The following TBC1D4 variants were observed in gnomAD, a reference collection of about 807,000 sequenced individuals.
The protein encoded by TBC1D4 is TBC (Tre-2, BUB2, CDC16) domain-containing protein.
TBC1D4 carries 121 observed loss-of-function variants against 142.5 expected under a neutral mutation model. The observed-to-expected ratio is 0.85, with a 90% CI of 0.73 to 0.99. The LOEUF (loss-of-function observed/expected upper bound fraction) is 0.99. Ranked by LOEUF, TBC1D4 falls within the 50% of genes least tolerant of loss-of-function variation. The pLI is 0.00. For synonymous variants in TBC1D4, 630 were observed against 628.2 expected (o/e 1.00, Z -0.04); for missense variants, 1,475 against 1,606.6 (o/e 0.92, Z 1.40).
rs139327428 is a variant in TBC1D4 at position 75,466,446 on chromosome 13, T to A, written c.498+14824A>T. On this transcript the variant is annotated intron_variant, in intron 1 of 20. Transcript: ENST00000377636. ...TATGCACTATCAGGTACTGAGGATA[T>A]TTAACAATAATTTTTTAAATCAACA... 3.6e-3 allele frequency among the ~76,000 whole-genome samples: 541 copies of A among 152,346 alleles called. 1 individual carries two copies. Among genetic ancestry groups the A allele is most frequent in the Admixed American group, 6.9e-3 (105 of 15,302 alleles).
intron 1 of TBC1D4, among the ~76,000 whole-genome samples, chr13:75,382,845 C>T (rs1883927317): frequency 1.3e-5 from 2 of 152,120 alleles, no homozygotes; most frequent in African/African-American, 4.8e-5. Context: ...ATATTCTGTG[C>T]GTACTGGGTT....
intron 1 of TBC1D4, among the ~76,000 whole-genome samples, chr13:75,450,261 A>G (rs1887480723): frequency 2.0e-5 from 3 of 152,138 alleles, no homozygotes; most frequent in Non-Finnish European, 4.4e-5. Flanking sequence ...TTTCTTCATT[A>G]TGATGCGGTG....
In TBC1D4 at chr13:75,309,937, C is replaced by T. The variant is rs1404971260; in HGVS notation, c.2593+5G>A. 7 of 1,613,906 alleles carry T rather than the reference C, an allele frequency of 4.3e-6. No individual in the cohort carries two copies. Among genetic ancestry groups the T allele is most frequent in the Non-Finnish European group, 5.9e-6 (7 of 1,179,908 alleles). On this transcript the variant is annotated splice_donor_5th_base_variant and intron_variant, in intron 14 of 20. Coordinates refer to ENST00000377636, the MANE Select transcript of TBC1D4 (RefSeq NM_014832.5). Reference sequence around the variant, plus strand: ...CATAGCATTTAGTCTGTTAAAATGGCTAACCTTCAAGTTTCTGGTTTTCTT... The same window carrying T: ...CATAGCATTTAGTCTGTTAAAATGGTTAACCTTCAAGTTTCTGGTTTTCTT...
chr13:75,392,188 AAT>A (rs576928422), intron 1 of TBC1D4, among the ~76,000 whole-genome samples: 26 of 152,350 alleles, frequency 1.7e-4, no homozygotes, highest in African/African-American at 6.3e-4. Flanking sequence ...TAAACATATA[AAT>A]ATGTGTTGGA....
chr13:75,383,990 G>C (rs1884018091), intron 1 of TBC1D4, among the ~76,000 whole-genome samples: 1 of 152,082 alleles, frequency 6.6e-6, no homozygotes, highest in Admixed American at 6.5e-5. Context: ...CCGAGGAAGG[G>C]GGAGGGATAG....
At chr13:75,427,003 T>C (rs1299988074) in intron 1 of TBC1D4, among the ~76,000 whole-genome samples, 1 of 152,034 alleles carries the variant, frequency 6.6e-6, no homozygotes, top group Non-Finnish European at 1.5e-5. Context: ...CAGCTATGAT[T>C]GTGCCATCAT....
At chr13:75,448,528 AT>A (rs1240517996) in intron 1 of TBC1D4, among the ~76,000 whole-genome samples, 1 of 150,290 alleles carries the variant, frequency 6.7e-6, no homozygotes, top group Non-Finnish European at 1.5e-5. Flanking sequence ...AGATTGCACC[AT>A]TGTACTCCAG....
In TBC1D4 at chr13:75,356,269, A is replaced by G. The variant is rs762621087; in HGVS notation, c.1171-18T>C. 12 of 1,540,282 alleles carry G rather than the reference A, an allele frequency of 7.8e-6. No individual in the cohort carries two copies. In the Admixed American group the frequency reaches 2.0e-4, roughly 26 times the overall value. ...TTTATACCCTAGATGGAGGGGAAGAAGTGCAATAAAAATGTATGGGAATAT... is the reference window on the plus strand; with the variant it reads ...TTTATACCCTAGATGGAGGGGAAGAGGTGCAATAAAAATGTATGGGAATAT... On this transcript the variant is annotated intron_variant, in intron 3 of 20. Coordinates refer to ENST00000377636, the MANE Select transcript of TBC1D4 (RefSeq NM_014832.5).
At chr13:75,438,588 T>C (rs1269314124) in intron 1 of TBC1D4, among the ~76,000 whole-genome samples, 1 of 152,180 alleles carries the variant, frequency 6.6e-6, no homozygotes, top group Non-Finnish European at 1.5e-5. Flanking sequence ...GAAGAGACCA[T>C]GCAAGGCCAT....
intron 3 of TBC1D4, among the ~76,000 whole-genome samples, chr13:75,357,472 C>T (rs908874288): frequency 6.6e-6 from 1 of 152,166 alleles, no homozygotes; most frequent in African/African-American, 2.4e-5. Flanking sequence ...CTATAACATT[C>T]CCTTCTCACC....
chr13:75,312,350 T>C (rs1051045194), intron 13 of TBC1D4, among the ~76,000 whole-genome samples: 1 of 150,260 alleles, frequency 6.7e-6, no homozygotes, highest in Non-Finnish European at 1.5e-5. Context: ...AGTTCAAGGC[T>C]ACAGTGAGCT....
At chr13:75,458,500 G>C (rs112738795) in intron 1 of TBC1D4, among the ~76,000 whole-genome samples, 1 of 152,186 alleles carries the variant, frequency 6.6e-6, no homozygotes, top group Non-Finnish European at 1.5e-5. Context: ...AGGAATGCCT[G>C]TTCCCATTTA....
At chr13:75,374,560 T>C (rs145595143) in intron 1 of TBC1D4, among the ~76,000 whole-genome samples, 194 of 152,302 alleles carry the variant, frequency 1.3e-3, no homozygotes, top group African/African-American at 4.4e-3. Context: ...ACAGCAGTGC[T>C]TCCATTATAA....
intron 8 of TBC1D4, among the ~76,000 whole-genome samples, chr13:75,329,583 T>G (rs1014720615): frequency 6.6e-6 from 1 of 152,154 alleles, no homozygotes; most frequent in African/African-American, 2.4e-5. Context: ...AAATTTCCTT[T>G]GACTCTCTCC....
intron 4 of TBC1D4, among the ~76,000 whole-genome samples, chr13:75,354,754 T>TA (rs752113966): frequency 1.2e-4 from 19 of 152,248 alleles, no homozygotes; most frequent in South Asian, 2.1e-4. Context: ...ACCAAACTGT[T>TA]ACTTGGTTGG....
At chr13:75,335,571 C>G (rs1272746348) in intron 8 of TBC1D4, among the ~76,000 whole-genome samples, 1 of 152,098 alleles carries the variant, frequency 6.6e-6, no homozygotes, top group Non-Finnish European at 1.5e-5. Context: ...TGGAGGTCGG[C>G]CTGGTGGGAG....
chr13:75,316,429 A>C (rs766189658), intron 12 of TBC1D4: 1 of 152,356 alleles, frequency 6.6e-6, no homozygotes, highest in East Asian at 1.9e-4. Flanking sequence ...AAAAATTAGC[A>C]GTCAAAATAG....
At chr13:75,415,423 A>T (rs1566474065) in intron 1 of TBC1D4, among the ~76,000 whole-genome samples, 1 of 152,246 alleles carries the variant, frequency 6.6e-6, no homozygotes, top group Admixed American at 6.5e-5. Context: ...AAACAAGTTT[A>T]TCAAGCCATC....
chr13:75,481,201 CCCCTCCCGCCCTGCTCCCCGAT>C, intron 1 of TBC1D4, 47 bp downstream of exon 1: 1 of 1,215,676 alleles, frequency 8.2e-7, no homozygotes, highest in Non-Finnish European at 1.2e-6. Flanking sequence ...GGGGTCCCCG[CCCCTCCCGCCCTGCTCCCCGAT>C]CCCCCAAGGC....
Sources: gnomAD v4.1 joint callset for allele counts (sites outside exome capture counted in the v4.1 genomes callset) on GRCh38, gnomAD v4.1.1 for gene constraint, MANE v1.5 for transcripts, NCBI Gene and HGNC (gene_info 2026-07-23, HGNC 2026-07-21) for gene names.